The following NKAIN4 variants were observed in gnomAD, a reference collection of about 807,000 sequenced individuals.
The protein encoded by NKAIN4 is sodium/potassium transporting ATPase interacting 4, also known as sodium/potassium-transporting ATPase subunit beta-1-interacting protein 4.
NKAIN4 carries 28 observed loss-of-function variants against 28.8 expected under a neutral mutation model. The observed-to-expected ratio is 0.97, with a 90% confidence interval of 0.72 to 1.33. The LOEUF is 1.33. Among genes scored for constraint, NKAIN4 ranks in the 40% most tolerant of loss-of-function variants. The probability of loss-of-function intolerance (pLI) is 0.00; values close to 1 mark genes in which losing one functional copy is unlikely to be tolerated. For missense variants in NKAIN4, 289 were observed against 277.2 expected, an observed-to-expected ratio of 1.04 and a Z score of -0.30; for synonymous variants, 122 against 115.6, an observed-to-expected ratio of 1.06 and a Z score of -0.36.
Position 63,252,243 on chromosome 20 carries a change from ACCCTGGTGG to A in NKAIN4, c.54+2145_54+2153del, listed in dbSNP as rs2066973607. On this transcript the variant is annotated intron_variant, in intron 1 of 6. Transcript: ENST00000370316. This position sits in a 1 kb window ranked among gnomAD's most constrained non-coding sequence, Gnocchi z 4.6. ...GCTCATGCCACCATGGAAGCAGGTG[ACCCTGGTGG>A]CCCTGCCAGGACCCAGCCCCAAACC... Among the ~76,000 whole-genome samples, 1 of 151,862 alleles carries A rather than the reference ACCCTGGTGG, an allele frequency of 6.6e-6. No individual in the cohort carries two copies. The highest frequency in any genetic ancestry group is 1.5e-5 in the Non-Finnish European group (1 of 67,936).
In NKAIN4 at chr20:63,246,028, T is replaced by C. The variant is rs138916235; in HGVS notation, c.471+1550A>G. On this transcript the variant is annotated intron_variant, in intron 4 of 6. Transcript: ENST00000370316. ...CTGCAAGCTCTGCCTCCCGGGTTCA[T>C]GCCATTCTCCTGCTTCAGCCTCCCG... Among the ~76,000 whole-genome samples, 130 of 151,920 alleles carry C rather than the reference T, an allele frequency of 8.6e-4. 1 individual carries two copies. Among genetic ancestry groups the C allele is most frequent in the Middle Eastern group, 6.8e-3 (2 of 294 alleles).
At position 63,247,179 on chromosome 20, in the gene NKAIN4, GGCTCGGGGCA is replaced by G. The variant is rs1434088870; in HGVS notation, c.471+389_471+398del. On this transcript the variant is annotated intron_variant, in intron 4 of 6. Coordinates refer to ENST00000370316, the MANE Select transcript of NKAIN4 (RefSeq NM_152864.4). ...CTGTCCACTTCCTGTGACCGGCATGGGCTCGGGGCAGCCGAGGGAACAGGCGGGACACGCA... is the reference window on the plus strand; with the variant it reads ...CTGTCCACTTCCTGTGACCGGCATGGGCCGAGGGAACAGGCGGGACACGCA... 1.9e-5 allele frequency: 21 copies of G among 1,131,434 alleles called. No homozygotes were observed. The African/African-American group carries it at 3.3e-4, about 18-fold the overall frequency. 70.1% of individuals were successfully genotyped at this position (1,131,434 alleles called of 1,614,324 possible).
intron 4 of NKAIN4, chr20:63,246,947 A>G (rs1009345861): frequency 3.0e-5 from 30 of 986,256 alleles, no homozygotes; most frequent in Non-Finnish European, 3.6e-5. Context: ...GCAGCATCGT[A>G]GCCCCTGTTC....
At chr20:63,243,020 C>T (rs1231210982) in intron 5 of NKAIN4, among the ~76,000 whole-genome samples, 2 of 152,238 alleles carry the variant, frequency 1.3e-5, no homozygotes, top group African/African-American at 2.4e-5. Flanking sequence ...CCCACTCTCC[C>T]GCCGCCCTCC....
intron 4 of NKAIN4, chr20:63,244,621 G>C (rs942934537): frequency 8.8e-6 from 4 of 453,462 alleles, no homozygotes; most frequent in Admixed American, 7.1e-5. Flanking sequence ...GGCAGAGTTG[G>C]GGGCTGGCTG....
chr20:63,249,022 G>A (rs572255760), intron 2 of NKAIN4, 127 bp from the exon 3 acceptor site: 14 of 686,578 alleles, frequency 2.0e-5, no homozygotes, highest in East Asian at 1.6e-4. Context: ...TGAGTCTGGC[G>A]GCCCCCAGAT....
At chr20:63,248,726 C>A in intron 3 of NKAIN4, 89 bp downstream of exon 3, 1 of 833,386 alleles carries the variant, frequency 1.2e-6, no homozygotes, top group Non-Finnish European at 2.0e-6. Flanking sequence ...CCTCAGACGA[C>A]AGATGAAAAG....
rs561596177 is a variant in NKAIN4, at chr20:63,246,719, G to A, written c.471+859C>T. ...AGTTCCTCCAGCGACGGCACCAGCCGTGCTGCAGTCACATTGGCCCTGCCC... is the reference window on the plus strand; with the variant it reads ...AGTTCCTCCAGCGACGGCACCAGCCATGCTGCAGTCACATTGGCCCTGCCC... On this transcript the variant is annotated intron_variant, in intron 4 of 6. Transcript: ENST00000370316. The A allele has an allele frequency of 1.0e-4, 99 of 985,456 alleles. No individual in the cohort carries two copies. In the Middle Eastern group the frequency reaches 1.6e-3, roughly 16 times the overall value. 61.0% of individuals were successfully genotyped at this position (985,456 alleles called of 1,614,324 possible).
intron 1 of NKAIN4, 93 bp downstream of exon 1, chr20:63,254,304 G>C (rs867212486): frequency 9.5e-7 from 1 of 1,052,728 alleles, no homozygotes; most frequent in Admixed American, 3.8e-5. Context: ...CCAGCGAACG[G>C]GCCCCGGGGC....
Position 63,252,061 on chromosome 20 carries a change from C to T in NKAIN4, c.55-1989G>A, listed in dbSNP as rs918011973. On this transcript the variant is annotated intron_variant, in intron 1 of 6. Coordinates refer to ENST00000370316, the MANE Select transcript of NKAIN4 (RefSeq NM_152864.4). The surrounding 1 kb of genome is among the most constrained non-coding windows in gnomAD (Gnocchi z 4.6). ...GGCGGCTGGGACAAGCTGCACATCT[C>T]GGCTAAGGGGTCTCGGCCTGAGGAG... 2.6e-5 allele frequency among the ~76,000 whole-genome samples: 4 copies of T among 152,188 alleles called. No individual in the cohort carries two copies. Among genetic ancestry groups the T allele is most frequent in the Admixed American group, 6.5e-5 (1 of 15,286 alleles).
rs763343250 is a variant in NKAIN4, at chr20:63,247,676, C to T, written c.373G>A (p.Gly125Arg). Reference protein sequence around the residue: ...LHEEVPAVGLGAPHGQALVSG... With the variant: ...LHEEVPAVGLRAPHGQALVSG... ...ACCAGGGCCTGGCCATGGGGGGCCCCGAGGCCCACTGCTGGCACCTCCTCA... is the reference window on the plus strand; with the variant it reads ...ACCAGGGCCTGGCCATGGGGGGCCCTGAGGCCCACTGCTGGCACCTCCTCA... Residue 125 changes from glycine to arginine, a missense_variant, in exon 4 of 7, where the codon GGG (glycine) becomes AGG (arginine). Transcript: ENST00000370316. 3.8e-5 allele frequency: 58 copies of T among 1,542,728 alleles called. 1 individual carries two copies. The East Asian group carries it at 1.1e-3, about 29-fold the overall frequency.
At chr20:63,254,303 G>C (rs1240113478) in intron 1 of NKAIN4, 94 bp downstream of exon 1, 1 of 1,031,950 alleles carries the variant, frequency 9.7e-7, no homozygotes, top group Middle Eastern at 3.4e-4. Flanking sequence ...CCCAGCGAAC[G>C]GGCCCCGGGG....
At position 63,249,915 on chromosome 20, in the gene NKAIN4, G is replaced by C. The variant is rs374228628; in HGVS notation, c.192+20C>G. On this transcript the variant is annotated intron_variant, in intron 2 of 6. Transcript: ENST00000370316. ...ACCTCAACCCACCTGCCCATAAAGA[G>C]GGCCGGGCCCAGGACTCACCACCAT... 7.5e-4 allele frequency: 1,197 copies of C among 1,601,596 alleles called. 12 individuals carry two copies. The South Asian group carries it at 0.012, about 16-fold the overall frequency.
chr20:63,254,397 C>T lies in NKAIN4; in HGVS notation c.54G>A (p.Leu18=). The T allele has an allele frequency of 1.4e-6, 2 of 1,453,534 alleles. No individual in the cohort carries two copies. The highest frequency in any genetic ancestry group is 1.8e-6 in the Non-Finnish European group (2 of 1,104,872). The allele number at this position is 1,453,534 out of a possible 1,614,324, so 90.0% of individuals were successfully genotyped here. The change falls in exon 1 of 7, where the codon CTG becomes CTA. Residue 18 remains leucine (L), a splice_region_variant and synonymous_variant. Coordinates refer to ENST00000370316, the MANE Select transcript of NKAIN4 (RefSeq NM_152864.4). ...CALVVLCAFQ[L]VAALERQVFD... is the part of the protein sequence containing the mutation. ...GGCTCGCGGAGGGGTCGCCACTCAC[C>T]AGCTGAAAAGCGCAGAGGACGACGA...
intron 2 of NKAIN4, 65 bp from the exon 3 acceptor site, chr20:63,248,960 G>T: frequency 2.7e-6 from 3 of 1,108,866 alleles, no homozygotes; most frequent in South Asian, 1.3e-5. Context: ...CTTGCATCCA[G>T]CCCCCGGGGG....
intron 5 of NKAIN4, 38 bp from the exon 6 acceptor site, chr20:63,242,661 A>G: frequency 6.7e-7 from 1 of 1,500,042 alleles, no homozygotes. Context: ...CAAAACCTAC[A>G]CAATGGAAAA....
chr20:63,248,960 G>A (rs1039818328), intron 2 of NKAIN4, 65 bp from the exon 3 acceptor site: 27 of 1,108,750 alleles, frequency 2.4e-5, no homozygotes, highest in Non-Finnish European at 2.7e-6. Flanking sequence ...CTTGCATCCA[G>A]CCCCCGGGGG....
In NKAIN4 at chr20:63,240,883, C is replaced by T. The variant is rs1016006528; in HGVS notation, c.*614G>A. ...CCCCTTTACAAGAGTACTGCCTGCT[C>T]GTCACCACCATGTGCCCTGCCCTAT... On this transcript the variant is annotated 3_prime_UTR_variant, in exon 7 of 7. Coordinates refer to ENST00000370316, the MANE Select transcript of NKAIN4 (RefSeq NM_152864.4). The T allele has an allele frequency of 2.6e-5, 4 of 152,838 alleles. No homozygotes were observed. Among genetic ancestry groups the T allele is most frequent in the African/African-American group, 7.2e-5 (3 of 41,446 alleles). The allele number at this position is 152,838 out of a possible 1,614,324, so 9.5% of individuals were successfully genotyped here.
Position 63,252,361 on chromosome 20 carries a change from A to G in NKAIN4, c.54+2036T>C, listed in dbSNP as rs1020594108. Among the ~76,000 whole-genome samples the G allele has an allele frequency of 1.3e-5, 2 of 152,118 alleles. No individual in the cohort carries two copies. Among genetic ancestry groups the G allele is most frequent in the Admixed American group, 6.5e-5 (1 of 15,274 alleles). On this transcript the variant is annotated intron_variant, in intron 1 of 6. Transcript: ENST00000370316. The surrounding 1 kb of genome is among the most constrained non-coding windows in gnomAD (Gnocchi z 4.6). ...TTGGACGCAGCACAGCCCGGCTCAG[A>G]GCCAGCAAAGTTCACACTGTTCTTT...
Sources: allele counts gnomAD v4.1 joint callset (sites outside exome capture counted in the v4.1 genomes callset), GRCh38; gene constraint gnomAD v4.1.1; non-coding constraint Gnocchi (gnomAD v3.1); transcripts MANE v1.5; gene names NCBI Gene and HGNC (gene_info 2026-07-23, HGNC 2026-07-21).